The following NRG3 variants were observed in gnomAD, a reference collection of about 807,000 sequenced individuals.
NRG3 encodes neuregulin 3, also known as pro-neuregulin-3, membrane-bound isoform.
A neutral mutation model predicts 66.9 loss-of-function variants in NRG3; 31 were observed. The observed-to-expected ratio is 0.46, with a 90% CI of 0.35 to 0.63. NRG3 has a LOEUF of 0.63. Ranked by LOEUF, NRG3 falls within the 20% of genes least tolerant of loss-of-function variation. NRG3 has a pLI of 0.00. For synonymous variants in NRG3, 393 were observed against 359.4 expected (o/e 1.09, Z -1.06); for missense variants, 910 against 878.9 (o/e 1.04, Z -0.45).
intron 1 of NRG3, among the ~76,000 whole-genome samples, chr10:82,358,463 G>C (rs1488147426): frequency 6.6e-6 from 1 of 152,138 alleles, no homozygotes; most frequent in African/African-American, 2.4e-5. Context: ...TTTGACTTAG[G>C]ATCATTCAGC....
chr10:82,929,678 G>C (rs1847359412), intron 4 of NRG3, among the ~76,000 whole-genome samples: 1 of 151,978 alleles, frequency 6.6e-6, no homozygotes, highest in African/African-American at 2.4e-5. Flanking sequence ...GAGGTCAGGA[G>C]TTCAATACCA....
chr10:81,913,721 G>T (rs370580531), intron 1 of NRG3, among the ~76,000 whole-genome samples: 1 of 152,150 alleles, frequency 6.6e-6, no homozygotes, highest in Non-Finnish European at 1.5e-5. Flanking sequence ...ACCGCTCCCA[G>T]CCAGCACTTT....
At chr10:81,898,152 A>C (rs1423970306) in intron 1 of NRG3, among the ~76,000 whole-genome samples, 2 of 152,320 alleles carry the variant, frequency 1.3e-5, no homozygotes, top group Non-Finnish European at 2.9e-5. Context: ...GGAACTAGGA[A>C]GTGGAAGTAC....
intron 2 of NRG3, among the ~76,000 whole-genome samples, chr10:82,694,111 T>TA (rs1482881571): frequency 2.0e-5 from 3 of 152,196 alleles, no homozygotes; most frequent in Non-Finnish European, 2.9e-5. Context: ...GGTGCGTTTT[T>TA]ACAGAGTGCT....
chr10:82,617,277 C>A (rs978878023), intron 2 of NRG3, among the ~76,000 whole-genome samples: 1 of 149,640 alleles, frequency 6.7e-6, no homozygotes, highest in African/African-American at 2.5e-5. Context: ...CACACAAACA[C>A]AAACACACAT....
At chr10:82,371,096 C>T (rs2084859394) in intron 2 of NRG3, among the ~76,000 whole-genome samples, 2 of 151,992 alleles carry the variant, frequency 1.3e-5, no homozygotes, top group African/African-American at 4.8e-5. Context: ...GCTATAAGAG[C>T]ACTGGGAAGC....
rs535713588 is a variant in NRG3, at chr10:82,962,215, G to A, written c.1284+3140G>A. ...TTAAAAACAAATAAAGCATCTGTGA[G>A]TAAAGATGAACTCACCTCCTTTGCT... is the stretch of plus-strand genomic sequence containing the variant. On this transcript the variant is annotated intron_variant, in intron 6 of 8. Coordinates refer to ENST00000372141, the MANE Select transcript of NRG3 (RefSeq NM_001010848.4). Among the ~76,000 whole-genome samples the A allele has an allele frequency of 3.3e-5, 5 of 152,254 alleles. No individual in the cohort carries two copies. The South Asian group carries it at 6.2e-4, about 19-fold the overall frequency.
chr10:82,576,554 T>C (rs958476897), intron 2 of NRG3, among the ~76,000 whole-genome samples: 8 of 151,608 alleles, frequency 5.3e-5, no homozygotes, highest in African/African-American at 1.9e-4. Context: ...TATGTGAGGG[T>C]TCATAGTTGG....
intron 4 of NRG3, among the ~76,000 whole-genome samples, chr10:82,895,296 C>A (rs1206786774): frequency 1.3e-5 from 2 of 152,064 alleles, no homozygotes; most frequent in Admixed American, 6.6e-5. Flanking sequence ...CACTGTTCCC[C>A]ACATCCTGAG....
intron 1 of NRG3, among the ~76,000 whole-genome samples, chr10:81,974,576 A>G (rs2060048520): frequency 6.6e-6 from 1 of 152,262 alleles, no homozygotes. Flanking sequence ...ACATGGGGAA[A>G]GGTGATTGAG....
At chr10:82,876,431 A>C (rs1841826876) in intron 4 of NRG3, among the ~76,000 whole-genome samples, 1 of 151,770 alleles carries the variant, frequency 6.6e-6, no homozygotes, top group Non-Finnish European at 1.5e-5. Flanking sequence ...TCTTCTAAGG[A>C]AACATTTTTA....
intron 2 of NRG3, among the ~76,000 whole-genome samples, chr10:82,516,859 G>A (rs1489319744): frequency 6.6e-6 from 1 of 152,112 alleles, no homozygotes. Flanking sequence ...AATATATGAT[G>A]TCAAACTCAA....
intron 1 of NRG3, among the ~76,000 whole-genome samples, chr10:82,192,431 G>A (rs1331629809): frequency 6.6e-6 from 1 of 152,192 alleles, no homozygotes; most frequent in East Asian, 1.9e-4. Flanking sequence ...ATAGGGTACA[G>A]ATATTGAAAG....
At chr10:81,963,917 T>G (rs1166637409) in intron 1 of NRG3, among the ~76,000 whole-genome samples, 1 of 152,232 alleles carries the variant, frequency 6.6e-6, no homozygotes, top group Non-Finnish European at 1.5e-5. Flanking sequence ...GAAGTATTAA[T>G]CACTGTTTCA....
chr10:82,960,462 GAT>G (rs1850527519), intron 6 of NRG3, among the ~76,000 whole-genome samples: 1 of 133,230 alleles, frequency 7.5e-6, no homozygotes, highest in African/African-American at 3.0e-5. Context: ...GAAATGGCTG[GAT>G]TTTTTTTTTT....
chr10:82,750,557 T>G (rs549195976), intron 3 of NRG3, among the ~76,000 whole-genome samples: 2 of 151,958 alleles, frequency 1.3e-5, no homozygotes, highest in East Asian at 1.9e-4. Context: ...TCCAACAGAG[T>G]TTTTCATGGA....
intron 2 of NRG3, among the ~76,000 whole-genome samples, chr10:82,710,217 T>G (rs1236932544): frequency 6.6e-6 from 1 of 152,232 alleles, no homozygotes; most frequent in Non-Finnish European, 1.5e-5. Context: ...ATGTGCACAC[T>G]AATCATTGTT....
chr10:82,802,340 G>A (rs1049208301), intron 3 of NRG3, among the ~76,000 whole-genome samples: 2 of 152,062 alleles, frequency 1.3e-5, no homozygotes, highest in Admixed American at 6.6e-5. Context: ...GTGCAAAAGG[G>A]TTTGAAATAT....
intron 2 of NRG3, among the ~76,000 whole-genome samples, chr10:82,585,506 G>A (rs981849660): frequency 6.6e-6 from 1 of 152,050 alleles, no homozygotes; most frequent in African/African-American, 2.4e-5. Flanking sequence ...GATTTTTACT[G>A]TACACTGTCC....
Sources: allele counts gnomAD v4.1 joint callset (sites outside exome capture counted in the v4.1 genomes callset), GRCh38; gene constraint gnomAD v4.1.1; transcripts MANE v1.5; gene names NCBI Gene and HGNC (gene_info 2026-07-23, HGNC 2026-07-21).